DPY19L1: variants seen among roughly 807,000 people sequenced by gnomAD.
The protein encoded by DPY19L1 is protein C-mannosyl-transferase DPY19L1.
In DPY19L1, 35 loss-of-function variants were observed where a neutral mutation model predicts 96.9. That is an observed-to-expected ratio of 0.36 (90% CI 0.28 to 0.48). DPY19L1 has a LOEUF of 0.48. DPY19L1 is among the 20% of genes least tolerant of loss of function. The pLI is 0.99. For missense variants in DPY19L1, 521 were observed against 777.9 expected (o/e 0.67, Z 3.93); for synonymous variants, 205 against 252.6 (o/e 0.81, Z 1.79).
chr7:34,956,511 T>A (rs1424237037), intron 11 of DPY19L1, among the ~76,000 whole-genome samples: 1 of 147,866 alleles, frequency 6.8e-6, no homozygotes, highest in Non-Finnish European at 1.5e-5. Context: ...AAATGGGTAT[T>A]TTTTTTTTTT....
At chr7:35,005,470 G>C (rs1262308551) in intron 6 of DPY19L1, among the ~76,000 whole-genome samples, 1 of 151,422 alleles carries the variant, frequency 6.6e-6, no homozygotes, top group Non-Finnish European at 1.5e-5. Context: ...GAGACTAGAT[G>C]GGGGTAGCAA....
At chr7:34,963,339 G>T (rs951794750) in intron 10 of DPY19L1, among the ~76,000 whole-genome samples, 1 of 151,984 alleles carries the variant, frequency 6.6e-6, no homozygotes, top group African/African-American at 2.4e-5. Context: ...GAAAATAAAT[G>T]TTGGTGATTA....
intron 3 of DPY19L1, among the ~76,000 whole-genome samples, chr7:35,017,438 T>C (rs986868880): frequency 1.4e-5 from 2 of 141,234 alleles, no homozygotes; most frequent in Non-Finnish European, 3.0e-5. Context: ...GAGCTTGCAG[T>C]GAGCCGAGAT....
At chr7:34,967,001 A>G (rs549611914) in intron 9 of DPY19L1, 30 bp from the exon 10 acceptor site, 1 of 1,467,910 alleles carries the variant, frequency 6.8e-7, no homozygotes, top group East Asian at 2.5e-5. Flanking sequence ...TAGAAGTAAA[A>G]AAGATAAAAT....
At chr7:34,961,312 G>C (rs1162941033) in intron 10 of DPY19L1, among the ~76,000 whole-genome samples, 3 of 152,070 alleles carry the variant, frequency 2.0e-5, no homozygotes, top group Non-Finnish European at 4.4e-5. Context: ...CAGATCAAGG[G>C]AACAAAATAC....
At chr7:35,018,082 A>C in intron 2 of DPY19L1, 113 bp from the exon 3 acceptor site, 1 of 658,342 alleles carries the variant, frequency 1.5e-6, no homozygotes, top group Non-Finnish European at 2.4e-6. Flanking sequence ...TAATTTTGTA[A>C]TAACACTCAA....
At chr7:34,981,413 T>G (rs76234067) in intron 7 of DPY19L1, among the ~76,000 whole-genome samples, 112 of 152,286 alleles carry the variant, frequency 7.4e-4, no homozygotes, top group African/African-American at 2.4e-3. Flanking sequence ...CATCAGTGGA[T>G]GCATAATCAG....
chr7:34,935,656 C>T (rs71526404), intron 21 of DPY19L1, among the ~76,000 whole-genome samples: 15 of 152,262 alleles, frequency 9.9e-5, no homozygotes, highest in African/African-American at 2.2e-4. Context: ...CATCTGCTTC[C>T]CCCATTCCAA....
At chr7:35,032,980 G>C (rs1786297428) in intron 1 of DPY19L1, among the ~76,000 whole-genome samples, 1 of 152,048 alleles carries the variant, frequency 6.6e-6, no homozygotes, top group South Asian at 2.1e-4. Flanking sequence ...CTCCACTTTT[G>C]TCCTTGTAGT....
At chr7:34,932,416 C>T (rs1783772572) in intron 21 of DPY19L1, among the ~76,000 whole-genome samples, 1 of 152,168 alleles carries the variant, frequency 6.6e-6, no homozygotes, top group African/African-American at 2.4e-5. Context: ...TACAACAAAA[C>T]ATTGAATATC....
intron 3 of DPY19L1, among the ~76,000 whole-genome samples, chr7:35,017,438 T>A (rs986868880): frequency 7.1e-6 from 1 of 141,234 alleles, no homozygotes; most frequent in Non-Finnish European, 1.5e-5. Flanking sequence ...GAGCTTGCAG[T>A]GAGCCGAGAT....
At chr7:34,961,399 A>C (rs577982572) in intron 10 of DPY19L1, among the ~76,000 whole-genome samples, 21 of 152,350 alleles carry the variant, frequency 1.4e-4, no homozygotes, top group Non-Finnish European at 2.4e-4. Context: ...TGGAGCAAAA[A>C]TAGTCCTTTC....
chr7:34,936,255 G>T (rs1333852685), intron 21 of DPY19L1, among the ~76,000 whole-genome samples: 1 of 151,672 alleles, frequency 6.6e-6, no homozygotes, highest in Non-Finnish European at 1.5e-5. Context: ...GTAAAACAGT[G>T]CTCTGCCTAC....
At position 35,006,592 on chromosome 7, in the gene DPY19L1, C is replaced by T. The variant is rs181127439; in HGVS notation, c.764+3876G>A. On this transcript the variant is annotated intron_variant, in intron 6 of 21. Transcript: ENST00000638088. ...TCAGGGTATCTTATGAAATACATAA[C>T]GTAAGTATAAATCAATACAGCTTCA... is the stretch of plus-strand genomic sequence containing the variant. Among the ~76,000 whole-genome samples, 118 of 152,010 alleles carry T rather than the reference C, an allele frequency of 7.8e-4. 1 individual carries two copies. Among genetic ancestry groups the T allele is most frequent in the Non-Finnish European group, 1.5e-3 (101 of 67,982 alleles).
intron 6 of DPY19L1, among the ~76,000 whole-genome samples, chr7:34,997,609 CAAAAAAAAA>C (rs3048611): frequency 1.3e-5 from 1 of 75,654 alleles, no homozygotes; most frequent in Non-Finnish European, 2.6e-5. Flanking sequence ...GACTCCGTCT[CAAAAAAAAA>C]AAAAAAAAAA....
At chr7:34,949,752 T>C (rs2021391) in intron 14 of DPY19L1, 45 bp downstream of exon 14, 379,156 of 1,246,388 alleles carry the variant, frequency 0.3, 59,431 homozygotes, top group Non-Finnish European at 0.33. Flanking sequence ...ATGAAAAATG[T>C]ATGGGCCAAA....
At chr7:35,034,746 T>C (rs1231159588) in intron 1 of DPY19L1, among the ~76,000 whole-genome samples, 1 of 152,178 alleles carries the variant, frequency 6.6e-6, no homozygotes, top group Non-Finnish European at 1.5e-5. Flanking sequence ...ACTTTCTAAA[T>C]AGAAATGAAT....
At chr7:34,950,670 G>C (rs1204101762) in intron 13 of DPY19L1, among the ~76,000 whole-genome samples, 4 of 152,152 alleles carry the variant, frequency 2.6e-5, no homozygotes, top group Non-Finnish European at 4.4e-5. Context: ...GAACTAGATG[G>C]TGGCAGGTAT....
rs1489450245 is a variant in DPY19L1 at position 34,930,604 on chromosome 7, G to A, written c.*969C>T. 6.6e-6 allele frequency: 1 copy of A among 152,092 alleles called. No homozygotes were observed. The highest frequency in any genetic ancestry group is 2.4e-5 in the African/African-American group (1 of 41,408). 9.4% of individuals were successfully genotyped at this position (152,092 alleles called of 1,614,324 possible). ...AAAAGAAAAATTACCATGTACTACA[G>A]TCTACTGTTCCACTATAAATGATGT... On this transcript the variant is annotated 3_prime_UTR_variant, in exon 22 of 22. Transcript: ENST00000638088.
Sources: gnomAD v4.1 joint callset for allele counts (sites outside exome capture counted in the v4.1 genomes callset) on GRCh38, gnomAD v4.1.1 for gene constraint, MANE v1.5 for transcripts, NCBI Gene and HGNC (gene_info 2026-07-23, HGNC 2026-07-21) for gene names.